The following COL2A1 variants were observed in gnomAD, a reference collection of about 807,000 sequenced individuals.
COL2A1 encodes the protein collagen alpha-1(II) chain.
A neutral mutation model predicts 204.5 loss-of-function variants in COL2A1; 28 were observed. The ratio of observed to expected loss-of-function variants is 0.14; its 90% CI spans 0.10 to 0.19. COL2A1 has a LOEUF of 0.19. Among genes scored for constraint, COL2A1 ranks in the 10% least tolerant of loss-of-function variants. COL2A1 has a pLI of 1.00. For synonymous variants in COL2A1, 708 were observed against 718.7 expected (o/e 0.99, Z 0.24); for missense variants, 1,388 against 2,027.5 (o/e 0.68, Z 6.06).
Position 47,974,779 on chromosome 12 carries a change from C to T in COL2A1, c.3970G>A (p.Val1324Ile), listed in dbSNP as rs755207565. 1.9e-5 allele frequency: 30 copies of T among 1,614,060 alleles called. No homozygotes were observed. The highest frequency in any genetic ancestry group is 5.5e-5 in the South Asian group (5 of 91,078). ...GGAACGTTTGCTGGATTGGGGTAGA[C>T]GCAAGTCTCGCCAGTCTCCATGTTG... ...FCNMETGETC[V>I]YPNPANVPKK... The change falls in exon 52 of 54, where the codon GTC becomes ATC. Residue 1324 changes from valine to isoleucine, a missense_variant. Around this residue, in one of 3 missense-constraint regions of COL2A1, gnomAD observed 303 missense variants for 369.2 expected, o/e 0.82. Transcript: ENST00000380518.
chr12:47,993,355 T>C (rs919394796), intron 15 of COL2A1, 103 bp downstream of exon 15: 2 of 942,486 alleles, frequency 2.1e-6, no homozygotes, highest in Non-Finnish European at 1.8e-6. Context: ...TCAGATGAAA[T>C]CTACAACACA....
chr12:47,981,812 A>C lies in COL2A1; in HGVS notation c.2373T>G (p.Ile791Met). ...TAGCACCAGCTGGGCCAGGGGGGCCAATGGGACCTGTCAGGCCCTGCGGGG... is the reference window on the plus strand; with the variant it reads ...TAGCACCAGCTGGGCCAGGGGGGCCCATGGGACCTGTCAGGCCCTGCGGGG... ...KDGGRGLTGPIGPPGPAGANG... is the reference protein window; with the variant it reads ...KDGGRGLTGPMGPPGPAGANG... Residue 791 changes from isoleucine to methionine, a missense_variant, in exon 36 of 54, where the codon ATT becomes ATG. This residue lies in a region of COL2A1 where 884 missense variants were observed against 1,415.8 expected (regional missense o/e 0.62). Coordinates refer to ENST00000380518, the MANE Select transcript of COL2A1 (RefSeq NM_001844.5). 6.4e-7 allele frequency: 1 copy of C among 1,554,656 alleles called. No individual in the cohort carries two copies. The highest frequency in any genetic ancestry group is 8.7e-7 in the Non-Finnish European group (1 of 1,148,706).
In COL2A1 at chr12:47,987,489, G is replaced by T; in HGVS notation, c.1221+122C>A. On this transcript the variant is annotated intron_variant, in intron 19 of 53. Transcript: ENST00000380518. The surrounding 1 kb of genome is among the most constrained non-coding windows in gnomAD (Gnocchi z 4.1). ...GGAATACATCTAGAGGTGGGGACAG[G>T]CATTGGGCCAGAATGAAGGTTTGGT... is the stretch of plus-strand genomic sequence containing the variant. 9.5e-7 allele frequency: 1 copy of T among 1,052,702 alleles called. No homozygotes were observed. The highest frequency in any genetic ancestry group is 1.4e-6 in the Non-Finnish European group (1 of 694,404). 65.2% of individuals were successfully genotyped at this position (1,052,702 alleles called of 1,614,324 possible). A position where few individuals can be genotyped will look rare whatever the true frequency, so the allele number is the denominator to read the frequency against.
At chr12:47,974,591 G>A in intron 52 of COL2A1, 84 bp downstream of exon 52, 1 of 1,471,024 alleles carries the variant, frequency 6.8e-7, no homozygotes, top group Non-Finnish European at 9.5e-7. Flanking sequence ...ATATGGGGAA[G>A]GTGCTAAAAG....
In COL2A1 at chr12:47,974,169, T is replaced by C; in HGVS notation, c.4237A>G (p.Ile1413Val). 6.2e-7 allele frequency: 1 copy of C among 1,614,214 alleles called. No homozygotes were observed. The highest frequency in any genetic ancestry group is 1.6e-4 in the Middle Eastern group (1 of 6,062). Reference protein sequence around the residue: ...AAGNLKKALLIQGSNDVEIRA... With the variant: ...AAGNLKKALLVQGSNDVEIRA... ...ATCTCCACGTCATTGGAGCCCTGGA[T>C]GAGCAGGGCCTTCTTGAGGTTGCCA... Residue 1413 changes from isoleucine to valine, a missense_variant, in exon 53 of 54, where the codon ATC becomes GTC. Ile to Val is a conservative substitution (Grantham distance 29). Coordinates refer to ENST00000380518, the MANE Select transcript of COL2A1 (RefSeq NM_001844.5).
chr12:47,986,523 G>C, intron 22 of COL2A1, 80 bp from the exon 23 acceptor site: 1 of 867,016 alleles, frequency 1.2e-6, no homozygotes, highest in South Asian at 1.4e-5. Flanking sequence ...TATGAAGGAA[G>C]TAGCCTTGGC....
At position 47,980,107 on chromosome 12, in the gene COL2A1, AGACGGTG is replaced by A. The variant is rs1156337504; in HGVS notation, c.2626-52_2626-46del. On this transcript the variant is annotated intron_variant, in intron 39 of 53. Coordinates refer to ENST00000380518, the MANE Select transcript of COL2A1 (RefSeq NM_001844.5). The surrounding 1 kb of genome is among the most constrained non-coding windows in gnomAD (Gnocchi z 4.5). ...ACAGTGAGGCCCAGTGGCCCAAGGA[AGACGGTG>A]GGCTTCTGTCTGAGCCCCAACAATG... 1.3e-6 allele frequency: 2 copies of A among 1,493,468 alleles called. No individual in the cohort carries two copies. The highest frequency in any genetic ancestry group is 1.8e-6 in the Non-Finnish European group (2 of 1,094,530). The allele number at this position is 1,493,468 out of a possible 1,614,324, so 92.5% of individuals were successfully genotyped here.
intron 10 of COL2A1, 78 bp from the exon 11 acceptor site, chr12:47,995,386 T>G: frequency 7.9e-7 from 1 of 1,270,172 alleles, no homozygotes; most frequent in Non-Finnish European, 1.2e-6. Context: ...TTTGACATTG[T>G]AGTTTTGGAA....
chr12:48,005,039 C>T (rs1423185213), upstream of COL2A1, among the ~76,000 whole-genome samples: 1 of 152,070 alleles, frequency 6.6e-6, no homozygotes, highest in Non-Finnish European at 1.5e-5. Flanking sequence ...AGGGTTACCC[C>T]GACCTATCTT....
intron 27 of COL2A1, 133 bp downstream of exon 27, chr12:47,984,862 C>T: frequency 1.2e-6 from 1 of 834,268 alleles, no homozygotes; most frequent in Admixed American, 2.0e-5. Flanking sequence ...CCCCCACTGC[C>T]ACCCATGGCA....
chr12:47,988,737 C>T (rs1939561931), intron 18 of COL2A1, among the ~76,000 whole-genome samples: 1 of 152,250 alleles, frequency 6.6e-6, no homozygotes, highest in Non-Finnish European at 1.5e-5. Flanking sequence ...CTCTAGTAAT[C>T]CTCCAGAGAA....
intron 8 of COL2A1, 22 bp from the exon 9 acceptor site, chr12:47,995,941 G>A (rs1180494690): frequency 6.2e-7 from 1 of 1,606,410 alleles, no homozygotes. Flanking sequence ...CAGAAAATGA[G>A]GGGTTTACTA....
Position 47,976,968 on chromosome 12 carries a change from A to G in COL2A1, c.3328-49T>C. 1.3e-6 allele frequency: 2 copies of G among 1,546,386 alleles called. No individual in the cohort carries two copies. Among genetic ancestry groups the G allele is most frequent in the Non-Finnish European group, 1.8e-6 (2 of 1,134,580 alleles). On this transcript the variant is annotated intron_variant, in intron 47 of 53. Coordinates refer to ENST00000380518, the MANE Select transcript of COL2A1 (RefSeq NM_001844.5). This position sits in a 1 kb window ranked among gnomAD's most constrained non-coding sequence, Gnocchi z 4.3. ...TGAGTCAGGTCAGGGCCAGGACAGGAGCCCCCTCCTGTCCCACCCAAGCTG... is the reference window on the plus strand; with the variant it reads ...TGAGTCAGGTCAGGGCCAGGACAGGGGCCCCCTCCTGTCCCACCCAAGCTG...
chr12:47,979,983 GGT>G, intron 40 of COL2A1, 24 bp downstream of exon 40: 1 of 1,548,072 alleles, frequency 6.5e-7, no homozygotes, highest in Non-Finnish European at 8.7e-7. Context: ...TGAGGTGCAG[GGT>G]GGGGTGTCAG....
At chr12:47,989,862 C>T in intron 16 of COL2A1, 57 bp from the exon 17 acceptor site, 5 of 1,529,060 alleles carry the variant, frequency 3.3e-6, no homozygotes, top group Non-Finnish European at 4.5e-6. Flanking sequence ...TCCGTCCCTG[C>T]TCCCAGCCCA....
intron 51 of COL2A1, among the ~76,000 whole-genome samples, 160 bp from the exon 52 acceptor site, chr12:47,975,022 G>T (rs1196157071): frequency 6.6e-6 from 1 of 152,200 alleles, no homozygotes; most frequent in Non-Finnish European, 1.5e-5. Context: ...GGATGCAGGG[G>T]CAGGGAGATC....
chr12:47,983,232 G>T (rs1939196169), intron 31 of COL2A1, 95 bp from the exon 32 acceptor site: 3 of 1,510,136 alleles, frequency 2.0e-6, no homozygotes, highest in East Asian at 4.7e-5. Context: ...CTCCTCCCAT[G>T]GGGGATTGTG....
At chr12:47,983,188 C>A in intron 31 of COL2A1, 51 bp from the exon 32 acceptor site, 1 of 1,590,710 alleles carries the variant, frequency 6.3e-7, no homozygotes, top group Non-Finnish European at 8.6e-7. Context: ...ATCACAGACC[C>A]CTGAACAATT....
chr12:47,981,198 C>T (rs1939059103), intron 37 of COL2A1, 145 bp downstream of exon 37: 1 of 963,928 alleles, frequency 1.0e-6, no homozygotes, highest in African/African-American at 1.6e-5. Context: ...TCTCTCCTCC[C>T]ACCCTAGACC....
Sources: allele counts gnomAD v4.1 joint callset (sites outside exome capture counted in the v4.1 genomes callset), GRCh38; gene constraint gnomAD v4.1.1; regional missense constraint gnomAD v4.1.1; non-coding constraint Gnocchi (gnomAD v3.1); transcripts MANE v1.5; gene names NCBI Gene and HGNC (gene_info 2026-07-23, HGNC 2026-07-21).